Variants in SPOCK3 observed in about 807,000 individuals in gnomAD.
SPOCK3 encodes SPARC (osteonectin), cwcv and kazal like domains proteoglycan 3.
A neutral mutation model predicts 56.6 loss-of-function variants in SPOCK3; 30 were observed. The ratio of observed to expected loss-of-function variants is 0.53; its 90% confidence interval spans 0.40 to 0.72. SPOCK3 has a LOEUF of 0.72. SPOCK3 is among the 30% of genes least tolerant of loss of function. SPOCK3 has a pLI of 0.00. For synonymous variants in SPOCK3, 196 were observed against 183.3 expected (o/e 1.07, Z -0.56); for missense variants, 527 against 530.0 (o/e 0.99, Z 0.06).
chr4:166,954,143 A>G (rs34090900), intron 4 of SPOCK3, among the ~76,000 whole-genome samples: 3,937 of 152,272 alleles, frequency 0.026, 83 homozygotes, highest in Middle Eastern at 0.065. Flanking sequence ...GTTGTTTTCT[A>G]TTGAGTTATC....
chr4:167,004,981 C>T (rs1245246415), intron 3 of SPOCK3, among the ~76,000 whole-genome samples: 1 of 152,052 alleles, frequency 6.6e-6, no homozygotes, highest in Non-Finnish European at 1.5e-5. Context: ...GCAGTCATCT[C>T]AAAGAATGTA....
chr4:166,754,651 A>T lies in SPOCK3; in HGVS notation c.788T>A (p.Leu263Gln). The change falls in exon 8 of 11, where the codon CTG becomes CAG. Residue 263 changes from leucine (L) to glutamine (Q), a missense_variant. Transcript: ENST00000357545. ...TCTGAGCTCTGACTGGTCCAATAGC[A>T]GGTCATAGTTTGTATCAAGTCTGTT... ...MFNRLDTNYD[L>Q]LLDQSELRSI... 8 of 1,613,764 alleles carry T rather than the reference A, an allele frequency of 5.0e-6. No homozygotes were observed. The highest frequency in any genetic ancestry group is 6.8e-6 in the Non-Finnish European group (8 of 1,179,768).
intron 2 of SPOCK3, among the ~76,000 whole-genome samples, chr4:167,116,765 CACAT>C (rs1761434374): frequency 7.4e-6 from 1 of 134,918 alleles, no homozygotes; most frequent in African/African-American, 2.7e-5. Context: ...TATATATACA[CACAT>C]ATAGTATATA....
intron 3 of SPOCK3, among the ~76,000 whole-genome samples, chr4:167,056,054 C>G (rs569058462): frequency 6.6e-6 from 1 of 152,176 alleles, no homozygotes; most frequent in South Asian, 2.1e-4. Context: ...AGGCACCCCC[C>G]AGTAGGGGCA....
At chr4:167,058,760 G>C (rs1276643749) in intron 3 of SPOCK3, among the ~76,000 whole-genome samples, 1 of 152,074 alleles carries the variant, frequency 6.6e-6, no homozygotes, top group Non-Finnish European at 1.5e-5. Context: ...ATACTACAAG[G>C]CTACAGTAAC....
chr4:166,961,559 A>G (rs1283682046), intron 4 of SPOCK3, among the ~76,000 whole-genome samples: 2 of 152,064 alleles, frequency 1.3e-5, no homozygotes, highest in African/African-American at 4.8e-5. Context: ...AATTGAAAAA[A>G]AAAAAGCTTA....
intron 6 of SPOCK3, among the ~76,000 whole-genome samples, chr4:166,794,293 T>C (rs1308536351): frequency 1.3e-5 from 2 of 151,024 alleles, no homozygotes; most frequent in Non-Finnish European, 2.9e-5. Flanking sequence ...TTAAGCCATC[T>C]TGACATGGGT....
chr4:167,055,447 G>C (rs1318616031), intron 3 of SPOCK3, among the ~76,000 whole-genome samples: 1 of 152,102 alleles, frequency 6.6e-6, no homozygotes, highest in African/African-American at 2.4e-5. Flanking sequence ...CCAGACAGTG[G>C]GCGCAGGACA....
intron 3 of SPOCK3, among the ~76,000 whole-genome samples, chr4:167,058,807 A>C (rs982011727): frequency 2.6e-5 from 4 of 152,202 alleles, no homozygotes; most frequent in Admixed American, 6.5e-5. Context: ...ACAGAGATAT[A>C]GATCAATGGA....
intron 6 of SPOCK3, among the ~76,000 whole-genome samples, chr4:166,827,492 G>A (rs920925538): frequency 6.6e-6 from 1 of 152,036 alleles, no homozygotes; most frequent in Admixed American, 6.6e-5. Flanking sequence ...CTGTGCTATG[G>A]ATTTGAATTC....
chr4:167,161,429 G>C (rs529350498), intron 2 of SPOCK3, among the ~76,000 whole-genome samples: 1 of 152,030 alleles, frequency 6.6e-6, no homozygotes, highest in East Asian at 1.9e-4. Flanking sequence ...AGAACACTTC[G>C]ACACTGTTGG....
intron 2 of SPOCK3, among the ~76,000 whole-genome samples, chr4:167,141,959 C>T (rs1763568207): frequency 6.6e-6 from 1 of 151,946 alleles, no homozygotes; most frequent in Non-Finnish European, 1.5e-5. Flanking sequence ...GGAAAGAAAT[C>T]AAATGGCCTG....
At chr4:166,788,813 T>C (rs1248126194) in intron 7 of SPOCK3, among the ~76,000 whole-genome samples, 1 of 151,880 alleles carries the variant, frequency 6.6e-6, no homozygotes, top group Non-Finnish European at 1.5e-5. Context: ...CCTAAAAATG[T>C]GTAAAAAATG....
At chr4:167,014,143 C>G (rs1750364617) in intron 3 of SPOCK3, among the ~76,000 whole-genome samples, 1 of 152,140 alleles carries the variant, frequency 6.6e-6, no homozygotes, top group Non-Finnish European at 1.5e-5. Context: ...CCTGGAGGAT[C>G]TCTGGCCCAC....
intron 2 of SPOCK3, among the ~76,000 whole-genome samples, chr4:167,072,255 C>T (rs1242953215): frequency 6.6e-6 from 1 of 152,048 alleles, no homozygotes; most frequent in Non-Finnish European, 1.5e-5. Context: ...TTCCAGCATA[C>T]CACAGGTCAG....
At chr4:167,014,100 T>C (rs1750359430) in intron 3 of SPOCK3, among the ~76,000 whole-genome samples, 1 of 152,146 alleles carries the variant, frequency 6.6e-6, no homozygotes, top group African/African-American at 2.4e-5. Flanking sequence ...ATAAAATCTC[T>C]TGTAACGTGC....
At position 166,868,364 on chromosome 4, in the gene SPOCK3, G is replaced by GT. The variant is rs1732087638; in HGVS notation, c.589+20765dup. Among the ~76,000 whole-genome samples, 5 of 152,140 alleles carry GT rather than the reference G, an allele frequency of 3.3e-5. No individual in the cohort carries two copies. In the East Asian group the frequency reaches 9.7e-4, roughly 29 times the overall value. On this transcript the variant is annotated intron_variant, in intron 6 of 10. Transcript: ENST00000357545. The stretch of plus-strand genomic sequence containing the variant: ...AACTGTAGCTAATCAGGAGGCTGGG[G>GT]TGGGAGGATTGCGTAGGCCCAGGAA...
At chr4:166,889,083 G>A (rs775050592) in intron 6 of SPOCK3, 47 bp downstream of exon 6, 16 of 1,175,420 alleles carry the variant, frequency 1.4e-5, no homozygotes, top group Non-Finnish European at 1.8e-5. Context: ...AAACATTTTA[G>A]TAGAGAGTGA....
chr4:167,085,324 A>G (rs1357042761), intron 2 of SPOCK3, among the ~76,000 whole-genome samples: 2 of 152,116 alleles, frequency 1.3e-5, no homozygotes, highest in Admixed American at 6.6e-5. Flanking sequence ...TAGCTATTAA[A>G]TTGCTTATCA....
Sources: gnomAD v4.1 joint callset for allele counts (sites outside exome capture counted in the v4.1 genomes callset) on GRCh38, gnomAD v4.1.1 for gene constraint, MANE v1.5 for transcripts, NCBI Gene and HGNC (gene_info 2026-07-23, HGNC 2026-07-21) for gene names.